Variants in SPEN observed in about 807,000 individuals in gnomAD.
SPEN encodes the protein msx2-interacting protein.
SPEN carries 18 observed loss-of-function variants against 269.9 expected under a neutral mutation model. The observed-to-expected ratio is 0.07, with a 90% CI of 0.05 to 0.10. The LOEUF is 0.10. Among genes scored for constraint, SPEN ranks in the 10% least tolerant of loss-of-function variants. SPEN has a pLI of 1.00. For missense variants in SPEN, 3,822 were observed against 4,631.2 expected (o/e 0.83, Z 5.07); for synonymous variants, 1,726 against 1,765.7 (o/e 0.98, Z 0.56).
intron 3 of SPEN, among the ~76,000 whole-genome samples, chr1:15,889,164 C>CCT (rs367789002): frequency 8.0e-6 from 1 of 124,928 alleles, no homozygotes; most frequent in African/African-American, 3.2e-5. Flanking sequence ...CTTTTCTTTT[C>CCT]TTTTTTTTTT....
chr1:15,855,165 C>T (rs1337202545), intron 1 of SPEN, among the ~76,000 whole-genome samples: 2 of 152,118 alleles, frequency 1.3e-5, no homozygotes, highest in East Asian at 3.8e-4. Context: ...ATCCTGTGTA[C>T]CTGGTGCTAG....
At position 15,878,293 on chromosome 1, in the gene SPEN, A is replaced by G. The variant is rs576616237; in HGVS notation, c.881+1615A>G. Among the ~76,000 whole-genome samples the G allele has an allele frequency of 5.3e-5, 8 of 152,296 alleles. No individual in the cohort carries two copies. In the South Asian group the frequency reaches 1.7e-3, roughly 32 times the overall value. Reference sequence around the variant, plus strand: ...GCCTGCTTAAAATTAATTTAAGCAAATGGTCATGTAGTTGAATGTCTGTTT... The same window carrying G: ...GCCTGCTTAAAATTAATTTAAGCAAGTGGTCATGTAGTTGAATGTCTGTTT... On this transcript the variant is annotated intron_variant, in intron 3 of 14. Transcript: ENST00000375759.
At chr1:15,921,215 A>C (rs1255551856) in intron 9 of SPEN, among the ~76,000 whole-genome samples, 2 of 152,174 alleles carry the variant, frequency 1.3e-5, no homozygotes, top group Non-Finnish European at 2.9e-5. Flanking sequence ...TGTTAATCCC[A>C]GCTACTTGGG....
intron 3 of SPEN, among the ~76,000 whole-genome samples, chr1:15,904,820 G>A (rs139848861): frequency 6.6e-6 from 1 of 151,392 alleles, no homozygotes; most frequent in East Asian, 1.9e-4. Context: ...CAATAAATCT[G>A]ATTTCTGCCA....
chr1:15,919,460 G>C lies in SPEN; in HGVS notation c.1578G>C (p.Ser526=). The stretch of plus-strand genomic sequence containing the variant: ...GCGTGTGGCTAGATGGGCTTTCTTC[G>C]AATGTGTCAGATCAGTATTTAACAC... ...TNCVWLDGLS[S]NVSDQYLTRH... The change falls in exon 8 of 15, where the codon TCG becomes TCC. Residue 526 remains serine (S), a synonymous_variant. Transcript: ENST00000375759. 2 of 1,608,842 alleles carry C rather than the reference G, an allele frequency of 1.2e-6. No homozygotes were observed. The highest frequency in any genetic ancestry group is 1.7e-6 in the Non-Finnish European group (2 of 1,179,368).
At chr1:15,874,275 C>T (rs1557739223) in intron 2 of SPEN, 1 of 1,366,258 alleles carries the variant, frequency 7.3e-7, no homozygotes. Context: ...CATTTGACAC[C>T]CTTGCCCATT....
intron 1 of SPEN, among the ~76,000 whole-genome samples, chr1:15,868,866 T>C (rs1569983404): frequency 6.6e-6 from 1 of 152,350 alleles, no homozygotes; most frequent in East Asian, 1.9e-4. Context: ...ATATGACATA[T>C]TACAAATTTT....
rs763100187 is a variant in SPEN at position 15,931,064 on chromosome 1, G to A, written c.4824G>A (p.Glu1608=). Residue 1608 remains glutamate (E), a synonymous_variant, in exon 11 of 15, where the codon GAG becomes GAA. Transcript: ENST00000375759. The surrounding 1 kb of genome is among the most constrained non-coding windows in gnomAD (Gnocchi z 4.8). ...AAGACCAGAAACCCAAAGAGGTTGA[G>A]AAACAGGAAGATACAGAGAATCATC... ...KEKDQKPKEV[E]KQEDTENHPK... is the part of the protein sequence containing the mutation. 4 of 1,613,754 alleles carry A rather than the reference G, an allele frequency of 2.5e-6. No individual in the cohort carries two copies. Among genetic ancestry groups the A allele is most frequent in the Non-Finnish European group, 3.4e-6 (4 of 1,179,942 alleles).
chr1:15,870,192 C>T (rs1194521095), intron 1 of SPEN, among the ~76,000 whole-genome samples: 1 of 152,028 alleles, frequency 6.6e-6, no homozygotes, highest in Non-Finnish European at 1.5e-5. Context: ...TTGAATAAGG[C>T]ACAGCTGTGG....
chr1:15,853,135 A>AATGT (rs1179102266), intron 1 of SPEN, among the ~76,000 whole-genome samples: 1 of 152,108 alleles, frequency 6.6e-6, no homozygotes, highest in Non-Finnish European at 1.5e-5. Context: ...TATAGGCATG[A>AATGT]GCCAGCTTGC....
intron 1 of SPEN, among the ~76,000 whole-genome samples, chr1:15,855,467 T>C (rs2070376891): frequency 6.6e-6 from 1 of 152,186 alleles, no homozygotes; most frequent in African/African-American, 2.4e-5. Flanking sequence ...AAAAACATTT[T>C]GCAGTTTACA....
At chr1:15,885,304 T>C (rs1161677864) in intron 3 of SPEN, among the ~76,000 whole-genome samples, 5 of 152,198 alleles carry the variant, frequency 3.3e-5, no homozygotes, top group Admixed American at 2.6e-4. Flanking sequence ...TCTGCTTCGT[T>C]ATTACTTTTT....
At chr1:15,924,278 G>T (rs1163722980) in intron 10 of SPEN, among the ~76,000 whole-genome samples, 1 of 152,170 alleles carries the variant, frequency 6.6e-6, no homozygotes, top group African/African-American at 2.4e-5. Context: ...TACAGTAAAT[G>T]CTTACAAGGA....
intron 3 of SPEN, among the ~76,000 whole-genome samples, chr1:15,906,573 C>T (rs1039287078): frequency 6.8e-6 from 1 of 148,032 alleles, no homozygotes; most frequent in East Asian, 2.0e-4. Context: ...ATTCTCATGC[C>T]TCAGCTTCCA....
Position 15,848,268 on chromosome 1 carries a change from C to T in SPEN, c.83+118C>T, listed in dbSNP as rs1410357608. ...TGAGGAGGACTCCGGCCCGGACCCA[C>T]GGGCGCTGTGGGACCTCGTCAGCCG... On this transcript the variant is annotated intron_variant, in intron 1 of 14. Transcript: ENST00000375759. This position sits in a 1 kb window ranked among gnomAD's most constrained non-coding sequence, Gnocchi z 5.1. The T allele has an allele frequency of 3.4e-6, 2 of 591,802 alleles. No individual in the cohort carries two copies. The highest frequency in any genetic ancestry group is 2.0e-5 in the African/African-American group (1 of 50,616). The allele number at this position is 591,802 out of a possible 1,614,324, so 36.7% of individuals were successfully genotyped here.
chr1:15,933,363 G>T lies in SPEN; in HGVS notation c.7123G>T (p.Val2375Leu), dbSNP rs1390602466. 31 of 1,614,030 alleles carry T rather than the reference G, an allele frequency of 1.9e-5. No individual in the cohort carries two copies. The highest frequency in any genetic ancestry group is 2.5e-5 in the Non-Finnish European group (29 of 1,180,044). The change falls in exon 11 of 15, where the codon GTA (valine) becomes TTA (leucine). Residue 2375 changes from valine to leucine, a missense_variant. Coordinates refer to ENST00000375759, the MANE Select transcript of SPEN (RefSeq NM_015001.3). The surrounding 1 kb of genome is among the most constrained non-coding windows in gnomAD (Gnocchi z 5.7). ...TCCTGCTGCAAATGAGGGGACAACA[G>T]TACAGCACCCCGAAGCCCCACAGGA... is the stretch of plus-strand genomic sequence containing the variant. Reference protein sequence around the residue: ...ESPAANEGTTVQHPEAPQEEK... With the variant: ...ESPAANEGTTLQHPEAPQEEK...
chr1:15,887,653 T>C lies in SPEN; in HGVS notation c.881+10975T>C, dbSNP rs142181985. Among the ~76,000 whole-genome samples the C allele has an allele frequency of 7.8e-4, 119 of 151,782 alleles. 1 individual carries two copies. In the East Asian group the frequency reaches 0.022, roughly 28 times the overall value. Reference sequence around the variant, plus strand: ...AGTCAAGCCTGGTCTGATGGTATGTTCCTGTAGCTTCTCTGGAAGTTGATG... The same window carrying C: ...AGTCAAGCCTGGTCTGATGGTATGTCCCTGTAGCTTCTCTGGAAGTTGATG... On this transcript the variant is annotated intron_variant, in intron 3 of 14. Transcript: ENST00000375759.
At chr1:15,915,777 G>A (rs565919672) in intron 5 of SPEN, among the ~76,000 whole-genome samples, 50 of 152,144 alleles carry the variant, frequency 3.3e-4, no homozygotes, top group Non-Finnish European at 6.2e-4. Context: ...GGGCTCCAGC[G>A]ATCCTCCCAC....
At chr1:15,900,225 T>C (rs1389051609) in intron 3 of SPEN, among the ~76,000 whole-genome samples, 1 of 152,214 alleles carries the variant, frequency 6.6e-6, no homozygotes, top group East Asian at 1.9e-4. Context: ...TTGTGTAAAA[T>C]AGACCTTTTT....
Sources: gnomAD v4.1 joint callset for allele counts (sites outside exome capture counted in the v4.1 genomes callset) on GRCh38, gnomAD v4.1.1 for gene constraint, Gnocchi (gnomAD v3.1) non-coding constraint, MANE v1.5 for transcripts, NCBI Gene and HGNC (gene_info 2026-07-23, HGNC 2026-07-21) for gene names.